FIGN: variants seen among roughly 807,000 people sequenced by gnomAD.
The protein encoded by FIGN is fidgetin, microtubule severing factor.
Under a neutral mutation model 51.3 loss-of-function variants are expected in FIGN, and 11 were observed. The observed-to-expected ratio is 0.21, with a 90% confidence interval of 0.13 to 0.35. The LOEUF is 0.35. Among genes scored for constraint, FIGN ranks in the 10% least tolerant of loss-of-function variants. The pLI is 1.00. For synonymous variants in FIGN, 407 were observed against 363.2 expected (o/e 1.12, Z -1.37); for missense variants, 857 against 943.6 (o/e 0.91, Z 1.20).
intron 2 of FIGN, among the ~76,000 whole-genome samples, chr2:163,617,764 A>G (rs1024638431): frequency 4.6e-5 from 7 of 152,152 alleles, no homozygotes; most frequent in Non-Finnish European, 1.0e-4. Context: ...GCTTAAGCAC[A>G]TCATACTCAC....
intron 2 of FIGN, among the ~76,000 whole-genome samples, chr2:163,646,836 C>T (rs1683390305): frequency 6.6e-6 from 1 of 152,166 alleles, no homozygotes; most frequent in African/African-American, 2.4e-5. Context: ...AAGAAAAACA[C>T]AGTGATGTTT....
intron 2 of FIGN, among the ~76,000 whole-genome samples, chr2:163,718,008 C>T (rs1396675561): frequency 6.6e-6 from 1 of 151,926 alleles, no homozygotes; most frequent in Non-Finnish European, 1.5e-5. Context: ...AAAAAACTGT[C>T]CAAGCAGACA....
At chr2:163,696,012 G>C (rs942670883) in intron 2 of FIGN, among the ~76,000 whole-genome samples, 6 of 152,148 alleles carry the variant, frequency 3.9e-5, no homozygotes, top group Admixed American at 1.3e-4. Context: ...TTGTGAGGTT[G>C]AGGCAAGAGA....
chr2:163,695,366 T>A (rs1559023755), intron 2 of FIGN, among the ~76,000 whole-genome samples: 1 of 152,144 alleles, frequency 6.6e-6, no homozygotes, highest in Non-Finnish European at 1.5e-5. Flanking sequence ...CATCTGCATC[T>A]CTAGCTCATG....
intron 2 of FIGN, among the ~76,000 whole-genome samples, chr2:163,690,269 G>C (rs1351735310): frequency 6.6e-6 from 1 of 152,026 alleles, no homozygotes; most frequent in Non-Finnish European, 1.5e-5. Context: ...TAGCTGGTGT[G>C]GCTAACTCAG....
At position 163,604,812 on chromosome 2, in the gene FIGN, G is replaced by A. The variant is rs1574218253; in HGVS notation, c.*4740C>T. On this transcript the variant is annotated 3_prime_UTR_variant, in exon 3 of 3. Coordinates refer to ENST00000333129, the MANE Select transcript of FIGN (RefSeq NM_018086.4). ...AGCGAGAGTTAGAGACAGAGAGAGA[G>A]AGAGAGAGAGAGAAGAGAGAGGAAG... 6.6e-6 allele frequency: 1 copy of A among 151,118 alleles called. No homozygotes were observed. The highest frequency in any genetic ancestry group is 2.4e-5 in the African/African-American group (1 of 41,144). The allele number at this position is 151,118 out of a possible 1,614,324, so 9.4% of individuals were successfully genotyped here.
intron 2 of FIGN, among the ~76,000 whole-genome samples, chr2:163,620,035 A>G (rs1160871330): frequency 1.1e-4 from 16 of 152,184 alleles, no homozygotes; most frequent in Non-Finnish European, 2.2e-4. Flanking sequence ...AGAAGGATAC[A>G]TGAGGATGCG....
rs765845944 is a variant in FIGN at position 163,610,591 on chromosome 2, C to A, written c.1241G>T (p.Arg414Ile). The change falls in exon 3 of 3, where the codon AGA (arginine) becomes ATA (isoleucine). Residue 414 changes from arginine to isoleucine, a missense_variant. Physicochemically the swap from Arg to Ile is moderately conservative, Grantham distance 97. Around this residue, in one of 3 missense-constraint regions of FIGN, gnomAD observed 799 missense variants for 849.5 expected, o/e 0.94. Transcript: ENST00000333129. ...YSTAKNSLGS[R>I]SSESFGKYTS... ...GTACTTCCCAAAGGATTCACTGGAT[C>A]TTGATCCCAATGAATTTTTAGCAGT... 20 of 1,614,168 alleles carry A rather than the reference C, an allele frequency of 1.2e-5. No homozygotes were observed. The highest frequency in any genetic ancestry group is 1.7e-5 in the Non-Finnish European group (20 of 1,180,024).
At chr2:163,689,424 A>G (rs1684204842) in intron 2 of FIGN, among the ~76,000 whole-genome samples, 1 of 152,174 alleles carries the variant, frequency 6.6e-6, no homozygotes, top group Non-Finnish European at 1.5e-5. Context: ...TATTTTATCT[A>G]TACCTACTGA....
intron 2 of FIGN, among the ~76,000 whole-genome samples, chr2:163,662,994 C>G (rs1376657703): frequency 6.6e-6 from 1 of 152,180 alleles, no homozygotes; most frequent in Non-Finnish European, 1.5e-5. Flanking sequence ...CCAATTAAAC[C>G]TCTTTTTCTT....
chr2:163,670,052 T>G (rs1240281777), intron 2 of FIGN, among the ~76,000 whole-genome samples: 2 of 152,224 alleles, frequency 1.3e-5, no homozygotes, highest in Non-Finnish European at 2.9e-5. Context: ...TTATGTTTTT[T>G]ATTATATAGA....
chr2:163,669,924 T>C (rs906375519), intron 2 of FIGN, among the ~76,000 whole-genome samples: 3 of 152,194 alleles, frequency 2.0e-5, no homozygotes, highest in African/African-American at 7.2e-5. Flanking sequence ...TTCTCGATCG[T>C]AACCTACTAA....
chr2:163,710,046 G>A (rs1684563395), intron 2 of FIGN, among the ~76,000 whole-genome samples: 1 of 152,054 alleles, frequency 6.6e-6, no homozygotes, highest in African/African-American at 2.4e-5. Flanking sequence ...TGAAGCAAAT[G>A]GCAAATATTT....
chr2:163,648,313 A>G (rs1346273738), intron 2 of FIGN, among the ~76,000 whole-genome samples: 2 of 152,222 alleles, frequency 1.3e-5, no homozygotes, highest in African/African-American at 4.8e-5. Flanking sequence ...ACCTCAGAAC[A>G]GTATGATTAG....
At chr2:163,641,118 A>G (rs1186604851) in intron 2 of FIGN, among the ~76,000 whole-genome samples, 1 of 152,206 alleles carries the variant, frequency 6.6e-6, no homozygotes, top group East Asian at 1.9e-4. Flanking sequence ...GCATTCACCA[A>G]TGAAGTTCAC....
In FIGN at chr2:163,611,142, T is replaced by A; in HGVS notation, c.690A>T (p.Pro230=). 5 of 1,613,992 alleles carry A rather than the reference T, an allele frequency of 3.1e-6. No individual in the cohort carries two copies. The Middle Eastern group carries it at 4.9e-4, about 160-fold the overall frequency. ...LQPPPPPPPP[P]ALVPGYNGTS... ...TCCCATTGTAGCCTGGGACCAAGGC[T>A]GGTGGCGGAGGAGGTGGTGGTGGGG... Residue 230 remains proline, a synonymous_variant, in exon 3 of 3, where the codon CCA becomes CCT. Transcript: ENST00000333129.
At chr2:163,613,505 T>C (rs756331671) in intron 2 of FIGN, among the ~76,000 whole-genome samples, 2 of 152,164 alleles carry the variant, frequency 1.3e-5, no homozygotes, top group Non-Finnish European at 2.9e-5. Context: ...CTTACTGCGA[T>C]AAACTGAACA....
intron 2 of FIGN, among the ~76,000 whole-genome samples, chr2:163,711,622 T>G (rs1169006179): frequency 6.7e-6 from 1 of 149,906 alleles, no homozygotes; most frequent in Non-Finnish European, 1.5e-5. Flanking sequence ...GAGAATCACT[T>G]TATAATTTCT....
intron 2 of FIGN, among the ~76,000 whole-genome samples, chr2:163,626,323 T>TCCTG (rs1442224259): frequency 3.3e-5 from 5 of 152,188 alleles, no homozygotes; most frequent in East Asian, 3.9e-4. Flanking sequence ...AAAACCTATA[T>TCCTG]CCTGCATCAT....
Sources: gnomAD v4.1 joint callset for allele counts (sites outside exome capture counted in the v4.1 genomes callset) on GRCh38, gnomAD v4.1.1 for gene constraint, gnomAD v4.1.1 regional missense constraint, MANE v1.5 for transcripts, NCBI Gene and HGNC (gene_info 2026-07-23, HGNC 2026-07-21) for gene names.